The following LRP1B variants were observed in gnomAD, a reference collection of about 807,000 sequenced individuals.
LRP1B encodes low-density lipoprotein receptor-related protein 1B.
Under a neutral mutation model 556.6 loss-of-function variants are expected in LRP1B, and 217 were observed. The ratio of observed to expected loss-of-function variants is 0.39; its 90% CI spans 0.35 to 0.44. The LOEUF (loss-of-function observed/expected upper bound fraction) is 0.44, where lower values mean the gene tolerates loss of function less well. Ranked by LOEUF, LRP1B falls within the 20% of genes least tolerant of loss-of-function variation. The pLI is 1.00. For synonymous variants in LRP1B, 2,047 were observed against 1,865.8 expected (o/e 1.10, Z -2.50); for missense variants, 5,053 against 5,620.8 (o/e 0.90, Z 3.23).
intron 53 of LRP1B, among the ~76,000 whole-genome samples, chr2:140,506,380 G>A (rs1689413002): frequency 6.6e-6 from 1 of 151,958 alleles, no homozygotes; most frequent in Non-Finnish European, 1.5e-5. Context: ...GAGTAGCTGG[G>A]ATTACAGGCA....
intron 21 of LRP1B, among the ~76,000 whole-genome samples, chr2:140,918,955 C>G (rs890204216): frequency 6.6e-6 from 1 of 152,084 alleles, no homozygotes; most frequent in African/African-American, 2.4e-5. Flanking sequence ...TCCACCTTTT[C>G]CTATTGCAAC....
chr2:140,509,080 ACAAAC>A (rs1689541567), intron 52 of LRP1B, among the ~76,000 whole-genome samples: 5 of 71,330 alleles, frequency 7.0e-5, no homozygotes, highest in Non-Finnish European at 1.2e-4. Context: ...ACACACACAC[ACAAAC>A]ACACACACAC....
At chr2:141,487,832 G>A (rs919816581) in intron 2 of LRP1B, among the ~76,000 whole-genome samples, 7 of 152,132 alleles carry the variant, frequency 4.6e-5, no homozygotes, top group Non-Finnish European at 7.4e-5. Flanking sequence ...GCATGTTAAG[G>A]TTTAGAGATC....
intron 79 of LRP1B, among the ~76,000 whole-genome samples, chr2:140,334,051 A>G (rs1487299762): frequency 3.3e-5 from 5 of 152,020 alleles, no homozygotes; most frequent in Non-Finnish European, 5.9e-5. Flanking sequence ...TGTCTTTTAC[A>G]TAAGGTATTT....
intron 40 of LRP1B, 46 bp downstream of exon 40, chr2:140,701,675 A>T (rs1460887156): frequency 1.3e-6 from 2 of 1,538,676 alleles, no homozygotes; most frequent in Admixed American, 2.0e-5. Flanking sequence ...ATTGGAGAGA[A>T]ATCACATAAA....
intron 2 of LRP1B, among the ~76,000 whole-genome samples, chr2:141,730,997 C>A (rs1198039760): frequency 6.6e-6 from 1 of 152,040 alleles, no homozygotes; most frequent in Non-Finnish European, 1.5e-5. Context: ...AAGGCAAGAA[C>A]CAGGTATAGT....
chr2:142,052,368 T>C (rs1574635165), intron 1 of LRP1B, among the ~76,000 whole-genome samples: 1 of 152,188 alleles, frequency 6.6e-6, no homozygotes, highest in Middle Eastern at 3.4e-3. Context: ...GAATGAAGTA[T>C]AGGAAAAGCT....
At chr2:141,837,943 T>C (rs1034090906) in intron 1 of LRP1B, among the ~76,000 whole-genome samples, 3 of 152,168 alleles carry the variant, frequency 2.0e-5, no homozygotes, top group Admixed American at 6.6e-5. Flanking sequence ...ATGTATGTCA[T>C]GTTGTTGCAA....
chr2:140,382,862 G>C (rs1683582562), intron 67 of LRP1B, among the ~76,000 whole-genome samples: 1 of 152,118 alleles, frequency 6.6e-6, no homozygotes, highest in Admixed American at 6.6e-5. Context: ...ACATACAGTG[G>C]TGGTGCCATA....
intron 12 of LRP1B, among the ~76,000 whole-genome samples, chr2:141,019,705 C>T (rs143299969): frequency 7.9e-5 from 12 of 151,890 alleles, no homozygotes; most frequent in African/African-American, 2.4e-4. Flanking sequence ...TACATCTTTG[C>T]GCAGTAATCT....
chr2:140,651,971 A>G (rs1205045702), intron 41 of LRP1B, among the ~76,000 whole-genome samples: 5 of 152,216 alleles, frequency 3.3e-5, no homozygotes, highest in Non-Finnish European at 1.5e-5. Context: ...ATGTTTCTTG[A>G]ATATGGGTAA....
intron 81 of LRP1B, 113 bp downstream of exon 81, chr2:140,323,780 A>AGTTACTGAGG: frequency 2.1e-6 from 1 of 485,432 alleles, no homozygotes; most frequent in Non-Finnish European, 3.5e-6. Context: ...AAGTTACTTA[A>AGTTACTGAGG]GTTACTGAGG....
chr2:140,478,008 G>A (rs1205552565), intron 59 of LRP1B, among the ~76,000 whole-genome samples: 1 of 152,100 alleles, frequency 6.6e-6, no homozygotes, highest in Non-Finnish European at 1.5e-5. Flanking sequence ...TACCTAGATG[G>A]AGGAAGGCAT....
intron 73 of LRP1B, 40 bp downstream of exon 73, chr2:140,358,781 C>T (rs1682363730): frequency 1.3e-6 from 2 of 1,597,788 alleles, no homozygotes; most frequent in South Asian, 1.1e-5. Flanking sequence ...CAGAGAACCT[C>T]ATAGCCATCA....
intron 3 of LRP1B, among the ~76,000 whole-genome samples, chr2:141,277,078 T>C (rs1292135646): frequency 6.6e-6 from 1 of 152,220 alleles, no homozygotes; most frequent in Non-Finnish European, 1.5e-5. Context: ...TTTGCTATTA[T>C]GAATAGTGCT....
intron 6 of LRP1B, among the ~76,000 whole-genome samples, chr2:141,193,542 C>T (rs1029697109): frequency 3.3e-5 from 5 of 151,988 alleles, no homozygotes; most frequent in African/African-American, 1.2e-4. Flanking sequence ...ATGATGAGAA[C>T]TCATGAACAC....
intron 2 of LRP1B, among the ~76,000 whole-genome samples, chr2:141,693,195 T>C (rs1574249823): frequency 3.3e-5 from 5 of 152,162 alleles, no homozygotes; most frequent in Admixed American, 3.3e-4. Context: ...CCCCCATTAC[T>C]TTTTCAGCAA....
At position 140,770,734 on chromosome 2, in the gene LRP1B, CAT is replaced by C. The variant is rs570116197; in HGVS notation, c.5626+145_5626+146del. 932 of 483,302 alleles carry C rather than the reference CAT, an allele frequency of 1.9e-3. 2 individuals carry two copies. The highest frequency in any genetic ancestry group is 2.7e-3 in the Non-Finnish European group (737 of 277,924). 29.9% of individuals were successfully genotyped at this position (483,302 alleles called of 1,614,324 possible). A position where few individuals can be genotyped will look rare whatever the true frequency, so the allele number is the denominator to read the frequency against. ...ATATTTCAAATATTAAAATCTTACA[CAT>C]ATGAGACTAAACAGTATACCATTTC... On this transcript the variant is annotated intron_variant, in intron 34 of 90. Coordinates refer to ENST00000389484, the MANE Select transcript of LRP1B (RefSeq NM_018557.3).
At chr2:140,890,455 T>C (rs2105200515) in intron 23 of LRP1B, among the ~76,000 whole-genome samples, 1 of 152,306 alleles carries the variant, frequency 6.6e-6, no homozygotes, top group African/African-American at 2.4e-5. Flanking sequence ...ACCTTTACAT[T>C]GAGTATCTTA....
Sources: allele counts gnomAD v4.1 joint callset (sites outside exome capture counted in the v4.1 genomes callset), GRCh38; gene constraint gnomAD v4.1.1; transcripts MANE v1.5; gene names NCBI Gene and HGNC (gene_info 2026-07-23, HGNC 2026-07-21).